ARID1B: variants seen among roughly 807,000 people sequenced by gnomAD.
ARID1B encodes AT-rich interaction domain 1B.
ARID1B carries 30 observed loss-of-function variants against 212.3 expected under a neutral mutation model. That is an observed-to-expected ratio of 0.14 (90% CI 0.11 to 0.19). The LOEUF is 0.19. Among genes scored for constraint, ARID1B ranks in the 10% least tolerant of loss-of-function variants. The pLI, the probability that ARID1B is intolerant of heterozygous loss-of-function variation, is 1.00. For synonymous variants in ARID1B, 1,402 were observed against 1,301.7 expected, an observed-to-expected ratio of 1.08 and a Z score of -1.66; for missense variants, 2,891 against 3,204.0, an observed-to-expected ratio of 0.90 and a Z score of 2.36.
At chr6:156,876,961 C>G (rs1786610750) in intron 2 of ARID1B, among the ~76,000 whole-genome samples, 1 of 152,112 alleles carries the variant, frequency 6.6e-6, no homozygotes, top group African/African-American at 2.4e-5. Context: ...GTGGCGTGAT[C>G]TCGGCTCACT....
At chr6:156,990,008 A>G (rs1467536610) in intron 4 of ARID1B, among the ~76,000 whole-genome samples, 1 of 152,126 alleles carries the variant, frequency 6.6e-6, no homozygotes, top group East Asian at 1.9e-4. Flanking sequence ...AATTTCTTAT[A>G]CAGAAAGTAT....
At chr6:157,141,562 T>A (rs1789356769) in intron 7 of ARID1B, among the ~76,000 whole-genome samples, 1 of 152,216 alleles carries the variant, frequency 6.6e-6, no homozygotes. Flanking sequence ...TTTCTCTGGC[T>A]GAAAGAGCAG....
At chr6:156,966,381 CTTTTCTT>C (rs1218765282) in intron 4 of ARID1B, among the ~76,000 whole-genome samples, 2 of 89,438 alleles carry the variant, frequency 2.2e-5, no homozygotes, top group Admixed American at 1.3e-4. Flanking sequence ...CTTTTCTTTT[CTTTTCTT>C]TTTTTTTTTT....
At chr6:157,033,521 A>G (rs553739810) in intron 4 of ARID1B, among the ~76,000 whole-genome samples, 22 of 152,342 alleles carry the variant, frequency 1.4e-4, no homozygotes, top group African/African-American at 5.1e-4. Context: ...AGTGAAAGAG[A>G]AAGGAAAGTA....
rs528192160 is a variant in ARID1B, at chr6:156,894,453, A to T, written c.1987-6923A>T. The stretch of plus-strand genomic sequence containing the variant: ...TATGCATCATTGAACTGTATACTTC[A>T]AATGGTTAAAATGGTCAATTTTGTG... On this transcript the variant is annotated intron_variant, in intron 2 of 19. Transcript: ENST00000636930. Among the ~76,000 whole-genome samples, 4 of 152,314 alleles carry T rather than the reference A, an allele frequency of 2.6e-5. No individual in the cohort carries two copies. The East Asian group carries it at 7.7e-4, about 29-fold the overall frequency.
rs576919626 is a variant in ARID1B, at chr6:157,148,386, C to T, written c.2762-238C>T. 6.6e-6 allele frequency among the ~76,000 whole-genome samples: 1 copy of T among 152,180 alleles called. No individual in the cohort carries two copies. The highest frequency in any genetic ancestry group is 2.1e-4 in the South Asian group (1 of 4,820). The stretch of plus-strand genomic sequence containing the variant: ...CTTTTTATGACCAGCCTGAATTTCT[C>T]TTCATCAGTGCAGTGGTCCTCTGGG... On this transcript the variant is annotated intron_variant, in intron 7 of 19. Transcript: ENST00000636930. The surrounding 1 kb of genome is among the most constrained non-coding windows in gnomAD (Gnocchi z 5.6).
rs1315757941 is a variant in ARID1B at position 156,779,002 on chromosome 6, A to T, written c.1322A>T (p.Tyr441Phe). 8.0e-7 allele frequency: 1 copy of T among 1,256,014 alleles called. No homozygotes were observed. The allele number at this position is 1,256,014 out of a possible 1,614,324, so 77.8% of individuals were successfully genotyped here. Residue 441 changes from tyrosine (Y) to phenylalanine (F), a missense_variant, in exon 1 of 20, where the codon TAT becomes TTT. Tyr to Phe is a conservative substitution (Grantham distance 22, BLOSUM62 3). Coordinates refer to ENST00000636930, the MANE Select transcript of ARID1B (RefSeq NM_001374828.1). ...GCAGGAGGCGGCGGCGGCGGCGGCT[A>T]TGGGGGCTCGTCCGCGGGGTACGGG... is the stretch of plus-strand genomic sequence containing the variant. ...AAAGGGGGGG[Y>F]GGSSAGYGVL...
chr6:156,863,571 C>T (rs1266454302), intron 2 of ARID1B, among the ~76,000 whole-genome samples: 1 of 152,016 alleles, frequency 6.6e-6, no homozygotes, highest in Non-Finnish European at 1.5e-5. Flanking sequence ...TTCTTTTTTC[C>T]TTTAAGAATC....
chr6:156,810,438 T>C (rs1374561265), intron 1 of ARID1B, among the ~76,000 whole-genome samples: 4 of 152,170 alleles, frequency 2.6e-5, no homozygotes, highest in Non-Finnish European at 1.5e-5. Flanking sequence ...TGGAGCTGCG[T>C]TGGATTCCTG....
intron 5 of ARID1B, among the ~76,000 whole-genome samples, chr6:157,110,099 T>G (rs969069383): frequency 5.3e-5 from 8 of 152,240 alleles, no homozygotes; most frequent in Non-Finnish European, 8.8e-5. Flanking sequence ...TTGGCCACTC[T>G]GCATGCCTGC....
Position 156,778,278 on chromosome 6 carries a change from C to G in ARID1B, c.598C>G (p.Gln200Glu), listed in dbSNP as rs1341256623. The G allele has an allele frequency of 6.5e-7, 1 of 1,541,218 alleles. No individual in the cohort carries two copies. The highest frequency in any genetic ancestry group is 2.0e-5 in the Admixed American group (1 of 50,910). ...QQQLNQFQQQ[Q>E]QQQQQQQQQQ... ...GCAGCTAAACCAGTTCCAGCAGCAG[C>G]AGCAGCAGCAGCAACAGCAGCAGCA... The change falls in exon 1 of 20, where the codon CAG becomes GAG. Residue 200 changes from glutamine (Q) to glutamate (E), a missense_variant. Physicochemically the swap from Gln to Glu is conservative, Grantham distance 29. Coordinates refer to ENST00000636930, the MANE Select transcript of ARID1B (RefSeq NM_001374828.1).
At chr6:156,797,867 A>G (rs1780503287) in intron 1 of ARID1B, among the ~76,000 whole-genome samples, 1 of 152,140 alleles carries the variant, frequency 6.6e-6, no homozygotes, top group South Asian at 2.1e-4. Flanking sequence ...GGGGGCACCA[A>G]CCTTTAGGGA....
chr6:156,795,164 G>T (rs559337859), intron 1 of ARID1B, among the ~76,000 whole-genome samples: 4 of 150,706 alleles, frequency 2.7e-5, no homozygotes, highest in African/African-American at 9.8e-5. Flanking sequence ...GGCTGGTTCA[G>T]GAGGCGGAGG....
At chr6:156,975,913 A>G (rs1583061866) in intron 4 of ARID1B, among the ~76,000 whole-genome samples, 1 of 152,038 alleles carries the variant, frequency 6.6e-6, no homozygotes, top group East Asian at 1.9e-4. Context: ...TGGGATTATC[A>G]TTAGTTCTTA....
intron 2 of ARID1B, 73 bp from the exon 3 acceptor site, chr6:156,901,303 A>C: frequency 6.3e-7 from 1 of 1,575,708 alleles, no homozygotes; most frequent in Non-Finnish European, 8.7e-7. Context: ...ATGTTGCTGA[A>C]TTGAAACCAT....
intron 4 of ARID1B, chr6:156,938,579 C>T (rs1035720257): frequency 4.6e-5 from 7 of 152,168 alleles, no homozygotes; most frequent in Non-Finnish European, 1.5e-5. Flanking sequence ...TGTAATTATT[C>T]TGTTCATTTT....
At chr6:156,900,224 G>C (rs1419485914) in intron 2 of ARID1B, among the ~76,000 whole-genome samples, 1 of 152,224 alleles carries the variant, frequency 6.6e-6, no homozygotes, top group Non-Finnish European at 1.5e-5. Context: ...CTCTTTGGTA[G>C]ATCTTGAAAA....
chr6:157,102,669 G>T (rs578061207), intron 5 of ARID1B, among the ~76,000 whole-genome samples: 1 of 131,886 alleles, frequency 7.6e-6, no homozygotes, highest in Non-Finnish European at 1.5e-5. Flanking sequence ...CTGGAGTACA[G>T]TGGCGCAATC....
chr6:156,939,335 A>G (rs190524869), intron 4 of ARID1B: 5 of 152,312 alleles, frequency 3.3e-5, no homozygotes, highest in African/African-American at 9.6e-5. Flanking sequence ...CTCAATTTAT[A>G]TTCCAAGATA....
Sources: allele counts gnomAD v4.1 joint callset (sites outside exome capture counted in the v4.1 genomes callset), GRCh38; gene constraint gnomAD v4.1.1; non-coding constraint Gnocchi (gnomAD v3.1); transcripts MANE v1.5; gene names NCBI Gene and HGNC (gene_info 2026-07-23, HGNC 2026-07-21).